The following PLCB4 variants were observed in gnomAD, a reference collection of about 807,000 sequenced individuals.
PLCB4 encodes the protein 1-phosphatidylinositol 4,5-bisphosphate phosphodiesterase beta-4.
PLCB4 carries 77 observed loss-of-function variants against 178.8 expected under a neutral mutation model. The ratio of observed to expected loss-of-function variants is 0.43; its 90% CI spans 0.36 to 0.52. The LOEUF is 0.52. Among genes scored for constraint, PLCB4 ranks in the 20% least tolerant of loss-of-function variants. The probability of loss-of-function intolerance (pLI) is 0.00; values close to 1 mark genes in which losing one functional copy is unlikely to be tolerated. For synonymous variants in PLCB4, 496 were observed against 490.8 expected (o/e 1.01, Z -0.14); for missense variants, 1,024 against 1,453.4 (o/e 0.70, Z 4.80).
chr20:9,079,747 G>A (rs1337907835), intron 1 of PLCB4, among the ~76,000 whole-genome samples: 1 of 152,170 alleles, frequency 6.6e-6, no homozygotes, highest in African/African-American at 2.4e-5. Flanking sequence ...AATTGAAATT[G>A]AAATTGAAAT....
chr20:9,444,151 A>G, intron 31 of PLCB4, 27 bp from the exon 32 acceptor site: 6 of 1,547,616 alleles, frequency 3.9e-6, no homozygotes, highest in Non-Finnish European at 5.3e-6. Flanking sequence ...CAAAAAACCT[A>G]TTTTTGATTC....
chr20:9,319,102 G>A (rs1056946804), intron 4 of PLCB4, among the ~76,000 whole-genome samples: 7 of 152,198 alleles, frequency 4.6e-5, no homozygotes, highest in Non-Finnish European at 8.8e-5. Context: ...CTTAATGCAT[G>A]TGGTGTAGCC....
At chr20:9,205,666 T>C (rs2093606697) in intron 2 of PLCB4, among the ~76,000 whole-genome samples, 1 of 152,180 alleles carries the variant, frequency 6.6e-6, no homozygotes, top group African/African-American at 2.4e-5. Flanking sequence ...TGTGTGTGTG[T>C]TTTTAGTTCT....
At chr20:9,102,032 A>T (rs1381853135) in intron 2 of PLCB4, among the ~76,000 whole-genome samples, 1 of 151,952 alleles carries the variant, frequency 6.6e-6, no homozygotes, top group Non-Finnish European at 1.5e-5. Flanking sequence ...TTTAGTAGAG[A>T]CAGGGTTTCA....
At chr20:9,412,567 T>G (rs192343915) in intron 25 of PLCB4, among the ~76,000 whole-genome samples, 2 of 152,316 alleles carry the variant, frequency 1.3e-5, no homozygotes, top group East Asian at 3.9e-4. Context: ...AACCGAGTCC[T>G]TTCTGATGAG....
chr20:9,453,490 C>T (rs1207133176), intron 33 of PLCB4, 28 bp downstream of exon 33: 1 of 1,303,466 alleles, frequency 7.7e-7, no homozygotes, highest in East Asian at 2.3e-5. Flanking sequence ...CTTCTGAAGA[C>T]TTTCTCTATG....
intron 1 of PLCB4, among the ~76,000 whole-genome samples, chr20:9,085,052 CAAA>C (rs11474540): frequency 7.3e-5 from 3 of 41,364 alleles, no homozygotes; most frequent in African/African-American, 8.3e-5. Context: ...GACTCCATCT[CAAA>C]AAAAAAAAAA....
chr20:9,206,907 A>G (rs1373604904), intron 2 of PLCB4, among the ~76,000 whole-genome samples: 1 of 152,206 alleles, frequency 6.6e-6, no homozygotes, highest in Non-Finnish European at 1.5e-5. Context: ...TCACAAGGTC[A>G]GGAGTTCGAG....
At chr20:9,113,829 T>C (rs1434096465) in intron 2 of PLCB4, among the ~76,000 whole-genome samples, 1 of 152,130 alleles carries the variant, frequency 6.6e-6, no homozygotes, top group African/African-American at 2.4e-5. Context: ...GCCAAACAAA[T>C]TGAGTCAGAC....
chr20:9,078,178 G>A lies in PLCB4; in HGVS notation c.-135+8972G>A, dbSNP rs138545980. 3.9e-5 allele frequency among the ~76,000 whole-genome samples: 6 copies of A among 152,000 alleles called. 1 individual carries two copies. The highest frequency in any genetic ancestry group is 1.3e-4 in the Admixed American group (2 of 15,266). ...TCTGTTTTTGTAGAGACAGGGTCTC[G>A]CTATGTTGTCCAGGCTGGTGTTGAA... On this transcript the variant is annotated intron_variant, in intron 1 of 39. Coordinates refer to ENST00000378473, the MANE Select transcript of PLCB4 (RefSeq NM_001377142.1).
At chr20:9,108,209 G>A (rs1473902611) in intron 2 of PLCB4, among the ~76,000 whole-genome samples, 5 of 152,136 alleles carry the variant, frequency 3.3e-5, no homozygotes, top group Non-Finnish European at 7.3e-5. Flanking sequence ...GAATTCAGAT[G>A]GGACTAGGCT....
intron 35 of PLCB4, among the ~76,000 whole-genome samples, chr20:9,461,531 G>A (rs1383266843): frequency 1.3e-5 from 2 of 152,188 alleles, no homozygotes; most frequent in African/African-American, 2.4e-5. Flanking sequence ...GACTGTCTCT[G>A]GAAAAACAGG....
intron 2 of PLCB4, among the ~76,000 whole-genome samples, chr20:9,131,700 C>T (rs990758934): frequency 6.6e-6 from 1 of 152,162 alleles, no homozygotes. Flanking sequence ...TAGACTGTTA[C>T]ATTTGGTGAC....
intron 4 of PLCB4, among the ~76,000 whole-genome samples, chr20:9,315,336 T>G (rs1220245170): frequency 6.6e-6 from 1 of 152,208 alleles, no homozygotes; most frequent in Non-Finnish European, 1.5e-5. Context: ...ACATTACAAC[T>G]TAATCCATGG....
At chr20:9,307,961 A>G (rs777405537) in intron 4 of PLCB4, 63 bp downstream of exon 4, 1 of 676,016 alleles carries the variant, frequency 1.5e-6, no homozygotes, top group Non-Finnish European at 2.5e-6. Flanking sequence ...TTTTAATTAC[A>G]GTATTGAGTA....
rs117484129 is a variant in PLCB4, at chr20:9,477,312, G to A, written c.3532+559G>A. Reference sequence around the variant, plus strand: ...ACCAGGATAGTTTTGAGAGTGAAAGGCAGCTCTGTTTATAATATCTAGGAC... The same window carrying A: ...ACCAGGATAGTTTTGAGAGTGAAAGACAGCTCTGTTTATAATATCTAGGAC... On this transcript the variant is annotated intron_variant, in intron 39 of 39. Transcript: ENST00000378473. Among the ~76,000 whole-genome samples the A allele has an allele frequency of 5.1e-3, 777 of 152,252 alleles. 6 individuals carry two copies. The highest frequency in any genetic ancestry group is 5.8e-3 in the Non-Finnish European group (394 of 68,008).
At chr20:9,460,984 C>T (rs932569112) in intron 35 of PLCB4, among the ~76,000 whole-genome samples, 1 of 152,042 alleles carries the variant, frequency 6.6e-6, no homozygotes, top group Non-Finnish European at 1.5e-5. Context: ...TTTCTTTTTT[C>T]CTTAGAAATG....
At position 9,395,428 on chromosome 20, in the gene PLCB4, C is replaced by G. The variant is rs575670178; in HGVS notation, c.1415-95C>G. The G allele has an allele frequency of 7.5e-6, 6 of 799,400 alleles. 1 individual carries two copies. Among genetic ancestry groups the G allele is most frequent in the South Asian group, 4.3e-5 (3 of 70,010 alleles). The allele number at this position is 799,400 out of a possible 1,614,324, so 49.5% of individuals were successfully genotyped here. A position where few individuals can be genotyped will look rare whatever the true frequency, so the allele number is the denominator to read the frequency against. On this transcript the variant is annotated intron_variant, in intron 18 of 39. Coordinates refer to ENST00000378473, the MANE Select transcript of PLCB4 (RefSeq NM_001377142.1). The stretch of plus-strand genomic sequence containing the variant: ...GGTGCCTGAACATTCTATTTCTTCT[C>G]TCTTTTCACGTCCTCCTCAGTGTCG...
intron 3 of PLCB4, among the ~76,000 whole-genome samples, chr20:9,220,539 G>C (rs2093785492): frequency 6.6e-6 from 1 of 152,182 alleles, no homozygotes; most frequent in South Asian, 2.1e-4. Flanking sequence ...GAGAGGCTGA[G>C]ACAGGAGAAT....
Sources: gnomAD v4.1 joint callset for allele counts (sites outside exome capture counted in the v4.1 genomes callset) on GRCh38, gnomAD v4.1.1 for gene constraint, MANE v1.5 for transcripts, NCBI Gene and HGNC (gene_info 2026-07-23, HGNC 2026-07-21) for gene names.